The following FAT3 variants were observed in gnomAD, a reference collection of about 807,000 sequenced individuals.
FAT3 encodes the protein FAT atypical cadherin 3, also known as protocadherin Fat 3.
FAT3 carries 95 observed loss-of-function variants against 310.2 expected under a neutral mutation model. The ratio of observed to expected loss-of-function variants is 0.31; its 90% CI spans 0.26 to 0.36. FAT3 has a LOEUF of 0.36. FAT3 is among the 10% of genes least tolerant of loss of function. The pLI, the probability that FAT3 is intolerant of heterozygous loss-of-function variation, is 1.00. For missense variants in FAT3, 5,408 were observed against 5,715.6 expected, an observed-to-expected ratio of 0.95 and a Z score of 1.74; for synonymous variants, 2,314 against 2,192.9, an observed-to-expected ratio of 1.06 and a Z score of -1.54.
intron 7 of FAT3, among the ~76,000 whole-genome samples, chr11:92,783,332 T>C (rs1591725890): frequency 9.1e-6 from 1 of 109,298 alleles, no homozygotes; most frequent in Non-Finnish European, 1.7e-5. Context: ...CACTCCAGCC[T>C]GGGTGACAGA....
chr11:92,879,118 G>A (rs781694962), intron 22 of FAT3, among the ~76,000 whole-genome samples: 5 of 152,164 alleles, frequency 3.3e-5, no homozygotes, highest in Admixed American at 2.6e-4. Flanking sequence ...TCTCAAAAGC[G>A]ACATGGAGGG....
intron 2 of FAT3, among the ~76,000 whole-genome samples, chr11:92,416,601 A>T (rs1247210475): frequency 6.6e-6 from 1 of 152,190 alleles, no homozygotes; most frequent in East Asian, 1.9e-4. Flanking sequence ...CTTGGTTCAG[A>T]TTATTTCCAA....
At chr11:92,476,960 T>C (rs1952067164) in intron 2 of FAT3, among the ~76,000 whole-genome samples, 1 of 152,208 alleles carries the variant, frequency 6.6e-6, no homozygotes, top group Non-Finnish European at 1.5e-5. Flanking sequence ...TAGACAGTTG[T>C]TTAATTCCGT....
At chr11:92,724,031 A>G (rs1334742539) in intron 4 of FAT3, among the ~76,000 whole-genome samples, 1 of 152,234 alleles carries the variant, frequency 6.6e-6, no homozygotes, top group Non-Finnish European at 1.5e-5. Flanking sequence ...GCTGTTTAAC[A>G]AAACATAGTG....
chr11:92,772,785 G>GT, intron 6 of FAT3, among the ~76,000 whole-genome samples: 1 of 151,756 alleles, frequency 6.6e-6, no homozygotes, highest in South Asian at 2.1e-4. Flanking sequence ...ATATGACCAG[G>GT]TTTTTTTTAA....
chr11:92,234,600 C>T (rs1466778690), intron 1 of FAT3, among the ~76,000 whole-genome samples: 3 of 151,908 alleles, frequency 2.0e-5, no homozygotes, highest in South Asian at 2.1e-4. Context: ...GAAACTCCGT[C>T]TCTACTAAAA....
chr11:92,862,567 A>C (rs553724024), intron 21 of FAT3, among the ~76,000 whole-genome samples: 1 of 152,288 alleles, frequency 6.6e-6, no homozygotes, highest in South Asian at 2.1e-4. Context: ...CTAGCTTCAG[A>C]CCCCTAAACT....
chr11:92,861,682 A>G (rs1216817796), intron 21 of FAT3, among the ~76,000 whole-genome samples: 1 of 152,236 alleles, frequency 6.6e-6, no homozygotes, highest in Non-Finnish European at 1.5e-5. Context: ...AAACTATTGC[A>G]GTTATTCTCC....
chr11:92,765,362 TA>T (rs1188730280), intron 6 of FAT3, among the ~76,000 whole-genome samples: 1 of 152,200 alleles, frequency 6.6e-6, no homozygotes, highest in African/African-American at 2.4e-5. Context: ...GTGTGTCATT[TA>T]AATTCTATTG....
At chr11:92,864,455 G>A (rs1270206841) in intron 21 of FAT3, among the ~76,000 whole-genome samples, 1 of 152,094 alleles carries the variant, frequency 6.6e-6, no homozygotes, top group Non-Finnish European at 1.5e-5. Context: ...CAAGTATTCT[G>A]GTATGATTTA....
At chr11:92,656,148 C>A (rs958885166) in intron 3 of FAT3, among the ~76,000 whole-genome samples, 1 of 152,148 alleles carries the variant, frequency 6.6e-6, no homozygotes, top group African/African-American at 2.4e-5. Context: ...CGGCTCTGCT[C>A]TTTTTGACAT....
chr11:92,656,218 A>T (rs970666745), intron 3 of FAT3, among the ~76,000 whole-genome samples: 1 of 152,162 alleles, frequency 6.6e-6, no homozygotes, highest in Non-Finnish European at 1.5e-5. Context: ...AAAATTATAC[A>T]GTGTTCAGTG....
At chr11:92,366,704 A>G (rs527599636) in intron 2 of FAT3, 4 of 536,102 alleles carry the variant, frequency 7.5e-6, no homozygotes, top group Admixed American at 1.9e-5. Flanking sequence ...ATGGGCTGCA[A>G]TCAGTACTCA....
chr11:92,454,993 A>G (rs1026678638), intron 2 of FAT3, among the ~76,000 whole-genome samples: 5 of 152,256 alleles, frequency 3.3e-5, no homozygotes, highest in East Asian at 1.9e-4. Context: ...GCTATATTCA[A>G]TGCCAGAGCC....
intron 3 of FAT3, among the ~76,000 whole-genome samples, chr11:92,537,972 T>C (rs1472476494): frequency 1.3e-5 from 2 of 152,092 alleles, no homozygotes; most frequent in African/African-American, 4.8e-5. Flanking sequence ...TAAGTCATGT[T>C]ATTGCTGGGA....
rs377131514 is a variant in FAT3 at position 92,419,770 on chromosome 11, G to A, written c.3292+64366G>A. ...CTGACTAGTCTTAAAGGAGATAAAT[G>A]AGAATCAGGATCTAGTGAGTCGATT... On this transcript the variant is annotated intron_variant, in intron 2 of 27. Coordinates refer to ENST00000525166, the MANE Select transcript of FAT3 (RefSeq NM_001367949.2). 3.2e-4 allele frequency among the ~76,000 whole-genome samples: 48 copies of A among 152,244 alleles called. No individual in the cohort carries two copies. The South Asian group carries it at 9.8e-3, about 31-fold the overall frequency.
chr11:92,234,902 C>G (rs1179758740), intron 1 of FAT3, among the ~76,000 whole-genome samples: 1 of 99,678 alleles, frequency 1.0e-5, no homozygotes, highest in Non-Finnish European at 2.2e-5. Flanking sequence ...GACTCCGTCT[C>G]AAAAAAAAAA....
intron 1 of FAT3, among the ~76,000 whole-genome samples, chr11:92,226,026 C>T (rs193033937): frequency 1.2e-4 from 19 of 152,318 alleles, no homozygotes; most frequent in Non-Finnish European, 2.5e-4. Flanking sequence ...GCCAGGGGCA[C>T]CAGCTCCGAG....
chr11:92,610,772 C>A (rs1009724133), intron 3 of FAT3, among the ~76,000 whole-genome samples: 3 of 152,162 alleles, frequency 2.0e-5, no homozygotes, highest in African/African-American at 7.2e-5. Context: ...ACAAGCTTCA[C>A]AGAATAAAGA....
Sources: gnomAD v4.1 joint callset for allele counts (sites outside exome capture counted in the v4.1 genomes callset) on GRCh38, gnomAD v4.1.1 for gene constraint, MANE v1.5 for transcripts, NCBI Gene and HGNC (gene_info 2026-07-23, HGNC 2026-07-21) for gene names.